APLF: variants seen among roughly 807,000 people sequenced by gnomAD.
The protein encoded by APLF is aprataxin and PNKP like factor.
A neutral mutation model predicts 55.6 loss-of-function variants in APLF; 61 were observed. The ratio of observed to expected loss-of-function variants is 1.10; its 90% CI spans 0.89 to 1.36. The LOEUF (loss-of-function observed/expected upper bound fraction) is 1.36. Ranked by LOEUF, APLF falls within the 40% of genes most tolerant of loss-of-function variation. The pLI is 0.00. For synonymous variants in APLF, 207 were observed against 214.8 expected (o/e 0.96, Z 0.32); for missense variants, 611 against 602.5 (o/e 1.01, Z -0.15).
At chr2:68,543,064 A>G (rs1172152532) in intron 7 of APLF, among the ~76,000 whole-genome samples, 18 of 152,174 alleles carry the variant, frequency 1.2e-4, no homozygotes, top group Admixed American at 4.6e-4. Context: ...AATACTTCAT[A>G]ATTCTACTTG....
intron 7 of APLF, among the ~76,000 whole-genome samples, chr2:68,541,319 G>A (rs1162752772): frequency 6.6e-6 from 1 of 151,942 alleles, no homozygotes; most frequent in Admixed American, 6.6e-5. Flanking sequence ...TACCCTTTAT[G>A]TTATATTTAA....
intron 8 of APLF, among the ~76,000 whole-genome samples, chr2:68,557,375 G>A (rs906935591): frequency 1.3e-5 from 2 of 152,196 alleles, no homozygotes; most frequent in African/African-American, 4.8e-5. Flanking sequence ...GCAGTTGGTT[G>A]AATCTGCAGG....
In APLF at chr2:68,537,566, C is replaced by T. The variant is rs551252699; in HGVS notation, c.805-306C>T. 1.2e-3 allele frequency among the ~76,000 whole-genome samples: 182 copies of T among 152,190 alleles called. 1 individual carries two copies. The highest frequency in any genetic ancestry group is 6.8e-3 in the Middle Eastern group (2 of 294). ...GTATTTTTTAGTAAAGACGGGGTTT[C>T]ACCTTGTTGGCCAGGCTGGTCTCAA... is the stretch of plus-strand genomic sequence containing the variant. On this transcript the variant is annotated intron_variant, in intron 6 of 9. Transcript: ENST00000303795.
chr2:68,500,058 A>G (rs1366819102), intron 2 of APLF, among the ~76,000 whole-genome samples: 1 of 151,826 alleles, frequency 6.6e-6, no homozygotes, highest in East Asian at 1.9e-4. Flanking sequence ...TTGGTGTGTA[A>G]TCTTCCTTTT....
chr2:68,514,614 T>C (rs1669526420), intron 5 of APLF, among the ~76,000 whole-genome samples: 1 of 151,762 alleles, frequency 6.6e-6, no homozygotes. Flanking sequence ...CAAGTTTTTA[T>C]GTAGGTTTTT....
At chr2:68,470,314 A>C (rs1260046973) in intron 1 of APLF, among the ~76,000 whole-genome samples, 1 of 152,238 alleles carries the variant, frequency 6.6e-6, no homozygotes, top group Non-Finnish European at 1.5e-5. Context: ...TTAAAAAATT[A>C]GGCAGCAGGG....
intron 8 of APLF, among the ~76,000 whole-genome samples, chr2:68,562,082 G>A (rs1025699734): frequency 5.3e-5 from 8 of 151,884 alleles, no homozygotes; most frequent in Non-Finnish European, 4.4e-5. Flanking sequence ...AAATGATACC[G>A]TTTGTGATAA....
Position 68,579,051 on chromosome 2 carries a change from C to A in APLF, c.*1029C>A. ...TAACAGTTGGGTTGTGTACACAGAGCAGGAGATATTTATTGAAATCATAAA... is the reference window on the plus strand; with the variant it reads ...TAACAGTTGGGTTGTGTACACAGAGAAGGAGATATTTATTGAAATCATAAA... On this transcript the variant is annotated 3_prime_UTR_variant, in exon 10 of 10. Coordinates refer to ENST00000303795, the MANE Select transcript of APLF (RefSeq NM_173545.3). 3 of 984,476 alleles carry A rather than the reference C, an allele frequency of 3.0e-6. No individual in the cohort carries two copies. The highest frequency in any genetic ancestry group is 3.6e-6 in the Non-Finnish European group (3 of 829,144). The allele number at this position is 984,476 out of a possible 1,614,324, so 61.0% of individuals were successfully genotyped here.
chr2:68,530,986 C>T (rs539172788), intron 6 of APLF, among the ~76,000 whole-genome samples: 36 of 152,304 alleles, frequency 2.4e-4, no homozygotes, highest in Middle Eastern at 3.4e-3. Context: ...TGGTTGTTCT[C>T]AGATTGCATT....
chr2:68,523,258 A>G (rs1669942984), intron 5 of APLF, among the ~76,000 whole-genome samples: 1 of 152,048 alleles, frequency 6.6e-6, no homozygotes, highest in South Asian at 2.1e-4. Context: ...ACTAGTTACC[A>G]TTTTTTGTTC....
At chr2:68,556,171 G>A (rs1205801425) in intron 8 of APLF, among the ~76,000 whole-genome samples, 1 of 152,158 alleles carries the variant, frequency 6.6e-6, no homozygotes, top group Non-Finnish European at 1.5e-5. Context: ...GCATAAGAAA[G>A]AAAGATACAA....
chr2:68,572,546 T>G (rs1463676761), intron 9 of APLF, among the ~76,000 whole-genome samples: 2 of 152,222 alleles, frequency 1.3e-5, no homozygotes, highest in Admixed American at 6.5e-5. Context: ...GGTAAAAATC[T>G]GCAGTTTGGC....
At chr2:68,481,870 T>G (rs1409648604) in intron 1 of APLF, among the ~76,000 whole-genome samples, 2 of 152,044 alleles carry the variant, frequency 1.3e-5, no homozygotes, top group South Asian at 2.1e-4. Flanking sequence ...CTGCTTGATA[T>G]AGTCTGGTGA....
chr2:68,517,431 A>G (rs968225723), intron 5 of APLF, among the ~76,000 whole-genome samples: 9 of 132,190 alleles, frequency 6.8e-5, no homozygotes, highest in Non-Finnish European at 6.1e-5. Flanking sequence ...ATATATTAAT[A>G]TATCTATATA....
At chr2:68,553,084 C>G (rs1670909870) in intron 8 of APLF, among the ~76,000 whole-genome samples, 1 of 152,088 alleles carries the variant, frequency 6.6e-6, no homozygotes, top group Admixed American at 6.6e-5. Context: ...CAAATCTCTT[C>G]CCTCCTCGAG....
intron 9 of APLF, among the ~76,000 whole-genome samples, chr2:68,577,354 C>A (rs2104090250): frequency 6.6e-6 from 1 of 152,226 alleles, no homozygotes; most frequent in East Asian, 1.9e-4. Context: ...CTATCTGGGA[C>A]ATGCTGTTCT....
chr2:68,574,589 A>G (rs1671571051), intron 9 of APLF, among the ~76,000 whole-genome samples: 2 of 152,200 alleles, frequency 1.3e-5, no homozygotes. Flanking sequence ...TCTGTTACAG[A>G]TGGTTTTGTT....
chr2:68,469,245 G>A (rs1018378718), intron 1 of APLF, among the ~76,000 whole-genome samples: 5 of 152,074 alleles, frequency 3.3e-5, no homozygotes, highest in Admixed American at 2.6e-4. Context: ...AAGAGTATGT[G>A]CTTAATCTAG....
At chr2:68,575,548 A>G (rs1276977379) in intron 9 of APLF, among the ~76,000 whole-genome samples, 1 of 152,124 alleles carries the variant, frequency 6.6e-6, no homozygotes, top group Non-Finnish European at 1.5e-5. Flanking sequence ...TGTATTCAGG[A>G]AGAAAATGAT....
Sources: gnomAD v4.1 joint callset for allele counts (sites outside exome capture counted in the v4.1 genomes callset) on GRCh38, gnomAD v4.1.1 for gene constraint, MANE v1.5 for transcripts, NCBI Gene and HGNC (gene_info 2026-07-23, HGNC 2026-07-21) for gene names.